KPNA1: variants seen among roughly 807,000 people sequenced by gnomAD.
KPNA1 encodes the protein importin subunit alpha-5.
Under a neutral mutation model 70.5 loss-of-function variants are expected in KPNA1, and 10 were observed. The observed-to-expected ratio is 0.14, with a 90% CI of 0.09 to 0.24. The LOEUF (loss-of-function observed/expected upper bound fraction) is 0.24, where lower values mean the gene tolerates loss of function less well. KPNA1 is among the 10% of genes least tolerant of loss of function. The pLI is 1.00. For synonymous variants in KPNA1, 192 were observed against 221.9 expected (o/e 0.87, Z 1.20); for missense variants, 397 against 637.9 (o/e 0.62, Z 4.07).
chr3:122,474,506 G>A (rs1017076906), intron 2 of KPNA1, among the ~76,000 whole-genome samples: 2 of 152,084 alleles, frequency 1.3e-5, no homozygotes, highest in Admixed American at 1.3e-4. Flanking sequence ...ACAGAATAGA[G>A]AGCCCAGAAA....
At chr3:122,514,615 C>T (rs2076997014) in intron 1 of KPNA1, 142 bp downstream of exon 1, 2 of 152,006 alleles carry the variant, frequency 1.3e-5, no homozygotes, top group Non-Finnish European at 2.9e-5. Flanking sequence ...GGACGCGGCG[C>T]GAGCGTCCGG....
intron 2 of KPNA1, among the ~76,000 whole-genome samples, chr3:122,488,342 G>A (rs769029766): frequency 1.3e-5 from 2 of 151,924 alleles, no homozygotes; most frequent in Non-Finnish European, 2.9e-5. Flanking sequence ...GCAACATAGT[G>A]AGACCCCATC....
Position 122,425,765 on chromosome 3 carries a change from G to A in KPNA1, c.*1220C>T, listed in dbSNP as rs1223738118. ...GTACTAGCAGGAGATGAAATAAAAT[G>A]ATTAGGAAACAATGAGGTTATAAGA... On this transcript the variant is annotated 3_prime_UTR_variant, in exon 14 of 14. Transcript: ENST00000344337. 1 of 152,602 alleles carries A rather than the reference G, an allele frequency of 6.6e-6. No homozygotes were observed. The highest frequency in any genetic ancestry group is 1.5e-5 in the Non-Finnish European group (1 of 68,038). The allele number at this position is 152,602 out of a possible 1,614,324, so 9.5% of individuals were successfully genotyped here. A position where few individuals can be genotyped will look rare whatever the true frequency, so the allele number is the denominator to read the frequency against.
chr3:122,469,408 G>T (rs1354697441), intron 2 of KPNA1, among the ~76,000 whole-genome samples: 1 of 152,204 alleles, frequency 6.6e-6, no homozygotes, highest in African/African-American at 2.4e-5. Context: ...TCAAGACTCA[G>T]ACCTTAGTTA....
At chr3:122,476,763 A>ACT (rs895815329) in intron 2 of KPNA1, among the ~76,000 whole-genome samples, 5 of 148,868 alleles carry the variant, frequency 3.4e-5, no homozygotes, top group African/African-American at 1.2e-4. Context: ...ACAAAAGATA[A>ACT]CATATTGGCG....
intron 10 of KPNA1, among the ~76,000 whole-genome samples, chr3:122,440,612 C>A (rs2076049750): frequency 6.6e-6 from 1 of 152,228 alleles, no homozygotes; most frequent in Non-Finnish European, 1.5e-5. Flanking sequence ...CAGTTCCCCT[C>A]AAAGACAACC....
At chr3:122,485,666 A>G (rs1471058691) in intron 2 of KPNA1, among the ~76,000 whole-genome samples, 1 of 152,192 alleles carries the variant, frequency 6.6e-6, no homozygotes, top group Middle Eastern at 3.2e-3. Flanking sequence ...AGACTTCACT[A>G]AAGTAGATAC....
At chr3:122,435,132 AAAT>A (rs1357011627) in intron 11 of KPNA1, among the ~76,000 whole-genome samples, 2 of 152,210 alleles carry the variant, frequency 1.3e-5, no homozygotes, top group Non-Finnish European at 2.9e-5. Context: ...TTTTATTGAC[AAAT>A]AATAATTGTA....
chr3:122,458,169 G>C (rs1425853253), intron 5 of KPNA1, among the ~76,000 whole-genome samples: 2 of 152,168 alleles, frequency 1.3e-5, no homozygotes, highest in African/African-American at 4.8e-5. Flanking sequence ...CTATAAGAAA[G>C]TTTGGGAATG....
chr3:122,498,534 CT>C (rs1344686627), intron 1 of KPNA1, among the ~76,000 whole-genome samples: 3 of 152,164 alleles, frequency 2.0e-5, no homozygotes, highest in African/African-American at 7.2e-5. Flanking sequence ...ATGACAGCAC[CT>C]TGCTGACAAC....
At chr3:122,509,179 G>A (rs1386657118) in intron 1 of KPNA1, among the ~76,000 whole-genome samples, 1 of 151,648 alleles carries the variant, frequency 6.6e-6, no homozygotes, top group Non-Finnish European at 1.5e-5. Context: ...CCAGGAGGCA[G>A]AGGTTGCGGT....
chr3:122,442,179 G>A, intron 9 of KPNA1, 63 bp from the exon 10 acceptor site: 2 of 1,355,098 alleles, frequency 1.5e-6, no homozygotes, highest in Non-Finnish European at 2.1e-6. Flanking sequence ...TTCCTTCCAA[G>A]ACCAAAATTA....
At chr3:122,471,432 T>A (rs1271847648) in intron 2 of KPNA1, among the ~76,000 whole-genome samples, 1 of 152,206 alleles carries the variant, frequency 6.6e-6, no homozygotes, top group Admixed American at 6.5e-5. Context: ...ACTGTCGAAG[T>A]GGATCACAAA....
chr3:122,489,053 C>CGTGT (rs111683855), intron 2 of KPNA1, among the ~76,000 whole-genome samples: 26,281 of 118,412 alleles, frequency 0.22, 2,999 homozygotes, highest in South Asian at 0.26. Flanking sequence ...GGTTTTTTTG[C>CGTGT]GTGCGTGTGT....
chr3:122,466,246 CA>C (rs140036887), intron 3 of KPNA1, among the ~76,000 whole-genome samples: 4 of 149,352 alleles, frequency 2.7e-5, no homozygotes, highest in African/African-American at 4.9e-5. Context: ...CACCATTTAC[CA>C]AAAAAAAAGG....
intron 13 of KPNA1, 138 bp downstream of exon 13, chr3:122,427,400 T>G: frequency 1.2e-6 from 1 of 850,716 alleles, no homozygotes; most frequent in Non-Finnish European, 1.8e-6. Context: ...GCAAGTAATA[T>G]CCAGTCTGCA....
chr3:122,476,861 C>CAAAAAAAAAAAAAAAAAAA (rs144118691), intron 2 of KPNA1, among the ~76,000 whole-genome samples: 16 of 65,494 alleles, frequency 2.4e-4, no homozygotes, highest in South Asian at 6.9e-4. Context: ...GGAGGTTCCA[C>CAAAAAAAAAAAAAAAAAAA]AAAAAAAAAA....
rs556271561 is a variant in KPNA1, at chr3:122,444,443, A to C, written c.918-2327T>G. ...ACTGGGGAAGTGATAAATGTCCATGAAATCTTCACGATTTATGTTCAGAGA... is the reference window on the plus strand; with the variant it reads ...ACTGGGGAAGTGATAAATGTCCATGCAATCTTCACGATTTATGTTCAGAGA... On this transcript the variant is annotated intron_variant, in intron 9 of 13. Coordinates refer to ENST00000344337, the MANE Select transcript of KPNA1 (RefSeq NM_002264.4). Among the ~76,000 whole-genome samples the C allele has an allele frequency of 1.2e-4, 18 of 152,368 alleles. 1 individual carries two copies. The South Asian group carries it at 3.5e-3, about 30-fold the overall frequency.
chr3:122,511,606 T>G (rs1363222357), intron 1 of KPNA1, among the ~76,000 whole-genome samples: 3 of 152,256 alleles, frequency 2.0e-5, no homozygotes, highest in Non-Finnish European at 2.9e-5. Flanking sequence ...TGGCCCTCAG[T>G]TGGCCTCAGG....
Sources: allele counts gnomAD v4.1 joint callset (sites outside exome capture counted in the v4.1 genomes callset), GRCh38; gene constraint gnomAD v4.1.1; transcripts MANE v1.5; gene names NCBI Gene and HGNC (gene_info 2026-07-23, HGNC 2026-07-21).